Variants in RPUSD4 observed in about 807,000 individuals in gnomAD.
The protein encoded by RPUSD4 is RNA pseudouridine synthase D4, also known as pseudouridylate synthase RPUSD4, mitochondrial.
In RPUSD4, 37 loss-of-function variants were observed where a neutral mutation model predicts 35.4. The ratio of observed to expected loss-of-function variants is 1.04; its 90% CI spans 0.80 to 1.37. The LOEUF is 1.37. Ranked by LOEUF, RPUSD4 falls within the 40% of genes most tolerant of loss-of-function variation. The pLI is 0.00. For missense variants in RPUSD4, 507 were observed against 484.9 expected (o/e 1.05, Z -0.43); for synonymous variants, 210 against 192.7 (o/e 1.09, Z -0.74).
intron 2 of RPUSD4, among the ~76,000 whole-genome samples, chr11:126,210,551 C>A (rs602298): frequency 0.28 from 40,761 of 144,248 alleles, 6,587 homozygotes; most frequent in African/African-American, 0.45. Flanking sequence ...ACACACACAC[C>A]CCCTTTTTTC....
At chr11:126,210,749 C>CGAA in intron 2 of RPUSD4, 141 bp downstream of exon 2, 3 of 746,300 alleles carry the variant, frequency 4.0e-6, no homozygotes, top group South Asian at 2.0e-5. Context: ...TCGGTGGTTC[C>CGAA]TTATATTGGA....
At chr11:126,211,160 G>A (rs1949860182) in intron 1 of RPUSD4, 105 bp from the exon 2 acceptor site, 1 of 1,342,834 alleles carries the variant, frequency 7.4e-7, no homozygotes, top group African/African-American at 1.5e-5. Flanking sequence ...GACTATCTTT[G>A]CATCAGACCC....
At chr11:126,205,822 G>C in intron 3 of RPUSD4, 41 bp from the exon 4 acceptor site, 1 of 1,487,222 alleles carries the variant, frequency 6.7e-7, no homozygotes, top group Non-Finnish European at 9.1e-7. Flanking sequence ...AACCAAGCCA[G>C]AGAAGAACTC....
intron 6 of RPUSD4, 106 bp from the exon 7 acceptor site, chr11:126,203,763 C>T: frequency 7.2e-7 from 1 of 1,387,012 alleles, no homozygotes; most frequent in Non-Finnish European, 9.7e-7. Flanking sequence ...AACTAACCCC[C>T]TGGAAGACAC....
rs1232291210 is a variant in RPUSD4, at chr11:126,204,275, G to C, written c.850C>G (p.Leu284Val). 1.9e-6 allele frequency: 3 copies of C among 1,613,640 alleles called. No homozygotes were observed. Among genetic ancestry groups the C allele is most frequent in the East Asian group, 4.5e-5 (2 of 44,852 alleles). ...CAGTCTGAGTACTTGTGATCACCAAGGATTGGACAATCCAATCCAAAAGAC... is the reference window on the plus strand; with the variant it reads ...CAGTCTGAGTACTTGTGATCACCAACGATTGGACAATCCAATCCAAAAGAC... Reference protein sequence around the residue: ...HLSFGLDCPILGDHKYSDWNR... With the variant: ...HLSFGLDCPIVGDHKYSDWNR... The change falls in exon 6 of 7, where the codon CTT (leucine) becomes GTT (valine). Residue 284 changes from leucine to valine, a missense_variant. By Grantham distance (32) the Leu-to-Val change is conservative (BLOSUM62 1). Transcript: ENST00000298317.
rs780088146 is a variant in RPUSD4 at position 126,211,590 on chromosome 11, C to T, written c.49G>A (p.Gly17Ser). Residue 17 changes from glycine to serine, a missense_variant, in exon 1 of 7, where the codon GGC becomes AGC. By Grantham distance (56) the Gly-to-Ser change is moderately conservative. Transcript: ENST00000298317. ...SASGPWIRGN[G>S]QGCGSLFTLV... Reference sequence around the variant, plus strand: ...GTGAAGAGACTCCCGCAACCTTGGCCGTTTCCCCGGATCCAGGGGCCCGAC... The same window carrying T: ...GTGAAGAGACTCCCGCAACCTTGGCTGTTTCCCCGGATCCAGGGGCCCGAC... 5 of 1,614,132 alleles carry T rather than the reference C, an allele frequency of 3.1e-6. No homozygotes were observed. The highest frequency in any genetic ancestry group is 4.2e-6 in the Non-Finnish European group (5 of 1,180,018).
At position 126,205,485 on chromosome 11, in the gene RPUSD4, T is replaced by C. The variant is rs1949761954; in HGVS notation, c.779A>G (p.Glu260Gly). ...ACTCTCACCAGTGATGGGCTGGAGC[T>C]CCACGAGGGCGGAGGAGAGAGTGCT... ...LSSTLSSALV[E>G]LQPITGIKHQ... The change falls in exon 5 of 7, where the codon GAG becomes GGG. Residue 260 changes from glutamate (E) to glycine (G), a missense_variant. Coordinates refer to ENST00000298317, the MANE Select transcript of RPUSD4 (RefSeq NM_032795.3). 6.2e-7 allele frequency: 1 copy of C among 1,614,120 alleles called. No individual in the cohort carries two copies. The highest frequency in any genetic ancestry group is 8.5e-7 in the Non-Finnish European group (1 of 1,180,054).
intron 3 of RPUSD4, among the ~76,000 whole-genome samples, chr11:126,207,168 TA>T (rs1949782444): frequency 2.0e-5 from 3 of 152,360 alleles, no homozygotes; most frequent in Admixed American, 1.3e-4. Flanking sequence ...AACTATCTCA[TA>T]AATCCTACTG....
intron 3 of RPUSD4, among the ~76,000 whole-genome samples, chr11:126,206,976 T>C (rs572766716): frequency 6.6e-6 from 1 of 152,244 alleles, no homozygotes; most frequent in Non-Finnish European, 1.5e-5. Flanking sequence ...ATGAACCTGA[T>C]ACCGAGAATG....
intron 6 of RPUSD4, 82 bp from the exon 7 acceptor site, chr11:126,203,739 T>C (rs1033186061): frequency 2.0e-6 from 3 of 1,519,138 alleles, no homozygotes; most frequent in African/African-American, 2.8e-5. Context: ...GCACTTCTAC[T>C]TACAGGGAAC....
intron 2 of RPUSD4, among the ~76,000 whole-genome samples, chr11:126,210,654 A>G (rs1336838119): frequency 6.6e-6 from 1 of 152,068 alleles, no homozygotes; most frequent in Non-Finnish European, 1.5e-5. Context: ...CGATCCCTGT[A>G]GTCTGCACAC....
chr11:126,204,305 G>A lies in RPUSD4; in HGVS notation c.820C>T (p.His274Tyr), dbSNP rs1399658822. 7.4e-6 allele frequency: 12 copies of A among 1,612,900 alleles called. No individual in the cohort carries two copies. The highest frequency in any genetic ancestry group is 9.3e-6 in the Non-Finnish European group (11 of 1,179,632). The change falls in exon 6 of 7, where the codon CAC becomes TAC. Residue 274 changes from histidine to tyrosine, a missense_variant. By Grantham distance (83) the His-to-Tyr change is moderately conservative. Coordinates refer to ENST00000298317, the MANE Select transcript of RPUSD4 (RefSeq NM_032795.3). ...GGACAATCCAATCCAAAAGACAAGT[G>A]AACTCGAAGCTGATGTTTTATTCCT... is the stretch of plus-strand genomic sequence containing the variant. Reference protein sequence around the residue: ...ITGIKHQLRVHLSFGLDCPIL... With the variant: ...ITGIKHQLRVYLSFGLDCPIL...
At position 126,203,578 on chromosome 11, in the gene RPUSD4, C is replaced by T. The variant is rs145613956; in HGVS notation, c.974G>A (p.Arg325Gln). The change falls in exon 7 of 7, where the codon CGG (arginine) becomes CAG (glutamine). Residue 325 changes from arginine to glutamine, a missense_variant. Physicochemically the swap from Arg to Gln is conservative, Grantham distance 43 (BLOSUM62 1). Coordinates refer to ENST00000298317, the MANE Select transcript of RPUSD4 (RefSeq NM_032795.3). Reference sequence around the variant, plus strand: ...CCCCAGGGCAGGCAGGATCAGCTGCCGGGCGTGCAGGTGAAGGGGGATGTA... The same window carrying T: ...CCCCAGGGCAGGCAGGATCAGCTGCTGGGCGTGCAGGTGAAGGGGGATGTA... Reference protein sequence around the residue: ...ARYIPLHLHARQLILPALGSG... With the variant: ...ARYIPLHLHAQQLILPALGSG... 4.3e-5 allele frequency: 70 copies of T among 1,614,200 alleles called. No individual in the cohort carries two copies. The highest frequency in any genetic ancestry group is 2.0e-4 in the African/African-American group (15 of 75,034).
rs1949733367 is a variant in RPUSD4 at position 126,203,378 on chromosome 11, C to A, written c.*40G>T. 5 of 1,596,924 alleles carry A rather than the reference C, an allele frequency of 3.1e-6. No homozygotes were observed. The highest frequency in any genetic ancestry group is 1.1e-5 in the South Asian group (1 of 90,724). ...CCAGGTGCCAGGATGCTCTCAGGGTCTTCACTGTGCTCCCAGGTGCCAGGG... is the reference window on the plus strand; with the variant it reads ...CCAGGTGCCAGGATGCTCTCAGGGTATTCACTGTGCTCCCAGGTGCCAGGG... On this transcript the variant is annotated 3_prime_UTR_variant, in exon 7 of 7. Transcript: ENST00000298317.
chr11:126,204,420 C>T lies in RPUSD4; in HGVS notation c.797-92G>A, dbSNP rs553209292. 1.0e-4 allele frequency: 92 copies of T among 888,070 alleles called. No individual in the cohort carries two copies. The African/African-American group carries it at 1.3e-3, about 13-fold the overall frequency. The allele number at this position is 888,070 out of a possible 1,614,324, so 55.0% of individuals were successfully genotyped here. A position where few individuals can be genotyped will look rare whatever the true frequency, so the allele number is the denominator to read the frequency against. ...GCATCTGCTTCAAATCGTGTTACAT[C>T]AAAGTGCAGTAAACTGGCCAAGTCC... On this transcript the variant is annotated intron_variant, in intron 5 of 6. Coordinates refer to ENST00000298317, the MANE Select transcript of RPUSD4 (RefSeq NM_032795.3).
intron 2 of RPUSD4, among the ~76,000 whole-genome samples, chr11:126,210,064 T>G (rs1407434989): frequency 6.6e-6 from 1 of 152,008 alleles, no homozygotes; most frequent in Non-Finnish European, 1.5e-5. Flanking sequence ...TAAATAAGAG[T>G]GATTAGGAGG....
chr11:126,209,162 C>G (rs1056265870), intron 3 of RPUSD4: 1 of 201,116 alleles, frequency 5.0e-6, no homozygotes, highest in Non-Finnish European at 1.0e-5. Context: ...GGACTAACTT[C>G]TTACTTTTTA....
In RPUSD4 at chr11:126,203,190, A is replaced by G; in HGVS notation, c.*228T>C. On this transcript the variant is annotated 3_prime_UTR_variant, in exon 7 of 7. Transcript: ENST00000298317. ...GGAGACTTCCAGCAGGCTTTTCCAC[A>G]GTGCAGCCAAACTATCAGTAAATAG... 1.8e-6 allele frequency: 1 copy of G among 545,066 alleles called. No homozygotes were observed. The highest frequency in any genetic ancestry group is 3.4e-5 in the Admixed American group (1 of 29,582). 33.8% of individuals were successfully genotyped at this position (545,066 alleles called of 1,614,324 possible). A position where few individuals can be genotyped will look rare whatever the true frequency, so the allele number is the denominator to read the frequency against.
rs1949743222 is a variant in RPUSD4 at position 126,204,162 on chromosome 11, G to A, written c.894+69C>T. 5 of 1,041,470 alleles carry A rather than the reference G, an allele frequency of 4.8e-6. No individual in the cohort carries two copies. The South Asian group carries it at 6.7e-5, about 14-fold the overall frequency. The allele number at this position is 1,041,470 out of a possible 1,614,324, so 64.5% of individuals were successfully genotyped here. A position where few individuals can be genotyped will look rare whatever the true frequency, so the allele number is the denominator to read the frequency against. ...GTAGGCTTTGTTGTAACTCATTTCA[G>A]AGTTTTAAGAAAAGGAACGCCTAAG... is the stretch of plus-strand genomic sequence containing the variant. On this transcript the variant is annotated intron_variant, in intron 6 of 6. Transcript: ENST00000298317.
Sources: allele counts gnomAD v4.1 joint callset (sites outside exome capture counted in the v4.1 genomes callset), GRCh38; gene constraint gnomAD v4.1.1; transcripts MANE v1.5; gene names NCBI Gene and HGNC (gene_info 2026-07-23, HGNC 2026-07-21).